The following PRKCB variants were observed in gnomAD, a reference collection of about 807,000 sequenced individuals.
The protein encoded by PRKCB is protein kinase C beta type.
In PRKCB, 13 loss-of-function variants were observed where a neutral mutation model predicts 81.5. The observed-to-expected ratio is 0.16, with a 90% confidence interval of 0.10 to 0.25. PRKCB has a LOEUF of 0.25. Ranked by LOEUF, PRKCB falls within the 10% of genes least tolerant of loss-of-function variation. The pLI is 1.00. For synonymous variants in PRKCB, 335 were observed against 321.4 expected (o/e 1.04, Z -0.45); for missense variants, 509 against 875.7 (o/e 0.58, Z 5.29).
At chr16:23,904,685 C>A (rs947061422) in intron 2 of PRKCB, among the ~76,000 whole-genome samples, 25 of 152,014 alleles carry the variant, frequency 1.6e-4, no homozygotes, top group Non-Finnish European at 2.9e-4. Context: ...ACAACAACAA[C>A]AAAAAACCAC....
chr16:23,997,928 C>T (rs1200691540), intron 3 of PRKCB, among the ~76,000 whole-genome samples: 4 of 152,166 alleles, frequency 2.6e-5, no homozygotes, highest in Admixed American at 6.5e-5. Context: ...ATGCAGTTAA[C>T]CTTGACTGGG....
chr16:24,198,327 C>T (rs1036001572), intron 16 of PRKCB, among the ~76,000 whole-genome samples: 10 of 152,126 alleles, frequency 6.6e-5, no homozygotes, highest in African/African-American at 2.4e-4. Flanking sequence ...GAAAGGCTCC[C>T]ATAGTGTCCA....
At chr16:24,060,363 C>T (rs1171548991) in intron 5 of PRKCB, among the ~76,000 whole-genome samples, 1 of 152,194 alleles carries the variant, frequency 6.6e-6, no homozygotes, top group African/African-American at 2.4e-5. Flanking sequence ...AGTTAGTGAA[C>T]TCCTACCAAG....
intron 6 of PRKCB, among the ~76,000 whole-genome samples, chr16:24,093,752 C>A (rs1966405332): frequency 6.6e-6 from 1 of 152,222 alleles, no homozygotes; most frequent in South Asian, 2.1e-4. Context: ...TCAGAACAGA[C>A]AATTTCCCCA....
intron 2 of PRKCB, among the ~76,000 whole-genome samples, chr16:23,981,218 T>C (rs907856812): frequency 2.0e-5 from 3 of 152,090 alleles, no homozygotes; most frequent in Non-Finnish European, 4.4e-5. Flanking sequence ...ATCTGTTTCT[T>C]ACCTTTTCTA....
At chr16:24,019,573 G>GAC (rs1286392355) in intron 3 of PRKCB, among the ~76,000 whole-genome samples, 1 of 152,150 alleles carries the variant, frequency 6.6e-6, no homozygotes, top group African/African-American at 2.4e-5. Context: ...CGACCAGCCT[G>GAC]ACTAATATGG....
chr16:24,206,971 C>T (rs998812775), intron 16 of PRKCB, among the ~76,000 whole-genome samples: 4 of 152,232 alleles, frequency 2.6e-5, no homozygotes, highest in Admixed American at 2.6e-4. Context: ...CACTCTGTCA[C>T]CCAGGCTGAA....
intron 2 of PRKCB, among the ~76,000 whole-genome samples, chr16:23,921,464 A>G (rs1272517245): frequency 6.6e-6 from 1 of 152,168 alleles, no homozygotes; most frequent in Non-Finnish European, 1.5e-5. Flanking sequence ...TGATCGTTAT[A>G]AACTATTATA....
At chr16:23,949,777 A>G (rs1380019488) in intron 2 of PRKCB, among the ~76,000 whole-genome samples, 1 of 152,180 alleles carries the variant, frequency 6.6e-6, no homozygotes, top group African/African-American at 2.4e-5. Context: ...AGTTCCACCC[A>G]GTACTAGGAA....
At chr16:23,947,869 A>G (rs1254197677) in intron 2 of PRKCB, among the ~76,000 whole-genome samples, 2 of 146,362 alleles carry the variant, frequency 1.4e-5, no homozygotes, top group Non-Finnish European at 3.0e-5. Flanking sequence ...CTTTCTGGCC[A>G]CACACTCTGG....
At chr16:23,889,137 TCCATCC>T (rs1963250794) in intron 2 of PRKCB, among the ~76,000 whole-genome samples, 1 of 137,018 alleles carries the variant, frequency 7.3e-6, no homozygotes, top group Non-Finnish European at 1.5e-5. Flanking sequence ...CATCCATCCA[TCCATCC>T]ATCCATCCAT....
intron 2 of PRKCB, among the ~76,000 whole-genome samples, chr16:23,937,267 C>A (rs549233445): frequency 1.3e-5 from 2 of 152,284 alleles, no homozygotes; most frequent in African/African-American, 4.8e-5. Context: ...CTTCTGTGCA[C>A]TGAAGTTTCA....
At chr16:23,887,674 T>G (rs1963225618) in intron 2 of PRKCB, among the ~76,000 whole-genome samples, 1 of 152,238 alleles carries the variant, frequency 6.6e-6, no homozygotes, top group South Asian at 2.1e-4. Flanking sequence ...GAAGGTGTCT[T>G]TTTGGTGGAA....
chr16:23,912,105 TAC>T (rs1188496564), intron 2 of PRKCB, among the ~76,000 whole-genome samples: 1 of 152,060 alleles, frequency 6.6e-6, no homozygotes, highest in African/African-American at 2.4e-5. Flanking sequence ...GCGCTGGGAT[TAC>T]AGACATGAGC....
chr16:24,021,359 T>TTCCTTCC (rs1965400664), intron 3 of PRKCB, among the ~76,000 whole-genome samples: 1 of 27,774 alleles, frequency 3.6e-5, no homozygotes, highest in Non-Finnish European at 5.8e-5. Context: ...TCCTTCCTCC[T>TTCCTTCC]TCCCTCCCTC....
At chr16:23,904,975 T>C (rs1167954189) in intron 2 of PRKCB, among the ~76,000 whole-genome samples, 1 of 152,070 alleles carries the variant, frequency 6.6e-6, no homozygotes, top group African/African-American at 2.4e-5. Flanking sequence ...GCATGCCTGG[T>C]GTTTCTGGTG....
chr16:24,093,901 T>G (rs367747235), intron 6 of PRKCB, among the ~76,000 whole-genome samples: 9 of 152,316 alleles, frequency 5.9e-5, no homozygotes, highest in African/African-American at 1.9e-4. Flanking sequence ...TGAACCCTAT[T>G]AAGACATAAG....
At chr16:23,981,666 C>CTT (rs1286119989) in intron 2 of PRKCB, among the ~76,000 whole-genome samples, 1 of 131,854 alleles carries the variant, frequency 7.6e-6, no homozygotes, top group Admixed American at 7.7e-5. Context: ...CCTTTTTTCC[C>CTT]TTTCTCTTCC....
intron 3 of PRKCB, among the ~76,000 whole-genome samples, chr16:24,014,238 T>C (rs1306106568): frequency 1.3e-5 from 2 of 152,122 alleles, no homozygotes; most frequent in Non-Finnish European, 2.9e-5. Context: ...CTCAGACCAC[T>C]TCCCTTAGTT....
Sources: gnomAD v4.1 joint callset for allele counts (sites outside exome capture counted in the v4.1 genomes callset) on GRCh38, gnomAD v4.1.1 for gene constraint, MANE v1.5 for transcripts, NCBI Gene and HGNC (gene_info 2026-07-23, HGNC 2026-07-21) for gene names.